Variants in KIR3DL1 observed in about 807,000 individuals in gnomAD.
KIR3DL1 encodes the protein killer cell immunoglobulin like receptor, three Ig domains and long cytoplasmic tail 1.
Under a neutral mutation model 40.3 loss-of-function variants are expected in KIR3DL1, and 50 were observed. That is an observed-to-expected ratio of 1.24 (90% CI 0.99 to 1.57). The LOEUF (loss-of-function observed/expected upper bound fraction) is 1.57. Ranked by LOEUF, KIR3DL1 falls within the 40% of genes most tolerant of loss-of-function variation. The pLI is 0.00. For missense variants in KIR3DL1, 661 were observed against 559.9 expected, an observed-to-expected ratio of 1.18 and a Z score of -1.82; for synonymous variants, 257 against 207.2, an observed-to-expected ratio of 1.24 and a Z score of -2.07.
intron 3 of KIR3DL1, among the ~76,000 whole-genome samples, chr19:54,818,815 C>T (rs62124093): frequency 0.2 from 28,834 of 146,394 alleles, 3,279 homozygotes; most frequent in South Asian, 0.32. Context: ...ATTTATGTTA[C>T]AGGGCAGGGG....
chr19:54,816,792 GATGGGCCTGGAGGGGAGAT>G (rs2061359899), intron 1 of KIR3DL1, among the ~76,000 whole-genome samples: 2 of 91,412 alleles, frequency 2.2e-5, no homozygotes, highest in African/African-American at 1.1e-4. Flanking sequence ...GGGGTGGAGA[GATGGGCCTGGAGGGGAGAT>G]ATGGGCCTGG....
chr19:54,821,435 TG>T (rs2061627708), intron 4 of KIR3DL1, 129 bp from the exon 5 acceptor site: 2 of 1,199,576 alleles, frequency 1.7e-6, no homozygotes, highest in East Asian at 4.9e-5. Context: ...TGAAGAGAGA[TG>T]GGGTGGAGGG....
chr19:54,829,694 C>T (rs1358722456), intron 7 of KIR3DL1, among the ~76,000 whole-genome samples: 1 of 141,552 alleles, frequency 7.1e-6, no homozygotes, highest in African/African-American at 2.5e-5. Context: ...CACTCACATC[C>T]AGGAGAAGGT....
Position 54,828,975 on chromosome 19 carries a change from T to A in KIR3DL1, c.1001-386T>A, listed in dbSNP as rs1229812284. 5.8e-3 allele frequency among the ~76,000 whole-genome samples: 725 copies of A among 124,392 alleles called. 2 individuals are homozygous for A. Among genetic ancestry groups the A allele is most frequent in the South Asian group, 0.013 (40 of 3,118 alleles). 81.6% of individuals were successfully genotyped at this position (124,392 alleles called of 152,430 possible). A position where few individuals can be genotyped will look rare whatever the true frequency, so the allele number is the denominator to read the frequency against. Reference sequence around the variant, plus strand: ...GGAGCAATGGAGCTTCCAAGCTCTTTTTAACAACCAGCTCTCCAGGAACTA... The same window carrying A: ...GGAGCAATGGAGCTTCCAAGCTCTTATTAACAACCAGCTCTCCAGGAACTA... On this transcript the variant is annotated intron_variant, in intron 6 of 8. Transcript: ENST00000391728.
chr19:54,824,924 A>C, intron 5 of KIR3DL1, 104 bp from the exon 6 acceptor site: 1 of 985,216 alleles, frequency 1.0e-6, no homozygotes, highest in Non-Finnish European at 1.6e-6. Flanking sequence ...CCAGGGTCCA[A>C]CATTAGATAA....
At position 54,829,823 on chromosome 19, in the gene KIR3DL1, G is replaced by A. The variant is rs1387399930; in HGVS notation, c.1106-105G>A. 18 of 1,115,778 alleles carry A rather than the reference G, an allele frequency of 1.6e-5. 1 individual carries two copies. The highest frequency in any genetic ancestry group is 3.1e-5 in the African/African-American group (2 of 64,856). The allele number at this position is 1,115,778 out of a possible 1,614,324, so 69.1% of individuals were successfully genotyped here. ...TCTGAGTCTGCTGTTGGCAACTGAG[G>A]GACCTCAGGCACCTATGGCCTCCCC... On this transcript the variant is annotated intron_variant, in intron 7 of 8. Transcript: ENST00000391728.
At chr19:54,822,659 T>A (rs1220775999) in intron 5 of KIR3DL1, among the ~76,000 whole-genome samples, 1 of 150,582 alleles carries the variant, frequency 6.6e-6, no homozygotes, top group Non-Finnish European at 1.5e-5. Flanking sequence ...ATTCTTTTTT[T>A]TGTTACCCTC....
chr19:54,819,640 C>G, intron 3 of KIR3DL1, 73 bp from the exon 4 acceptor site: 3 of 1,517,256 alleles, frequency 2.0e-6, no homozygotes, highest in East Asian at 4.7e-5. Flanking sequence ...GAGGGGAACC[C>G]TCACTCATTC....
Position 54,820,489 on chromosome 19 carries a change from G to A in KIR3DL1, c.655+477G>A, listed in dbSNP as rs1300919808. On this transcript the variant is annotated intron_variant, in intron 4 of 8. Transcript: ENST00000391728. ...TGACACCTCTGCCTTCCATGCAATG[G>A]AGAGTAATCATCCCAGGATATCATG... 2.6e-5 allele frequency among the ~76,000 whole-genome samples: 4 copies of A among 151,512 alleles called. No individual in the cohort carries two copies. The East Asian group carries it at 5.8e-4, about 22-fold the overall frequency.
chr19:54,822,672 C>T (rs1399031735), intron 5 of KIR3DL1, among the ~76,000 whole-genome samples: 1 of 151,022 alleles, frequency 6.6e-6, no homozygotes, highest in African/African-American at 2.5e-5. Flanking sequence ...TTACCCTCCA[C>T]CCTTCCCTTC....
Position 54,819,771 on chromosome 19 carries a change from G to C in KIR3DL1, c.414G>C (p.Glu138Asp), listed in dbSNP as rs201471071. Reference sequence around the variant, plus strand: ...CAGGTCCCCTGGTGAAATCAGGAGAGAGAGTCATCCTGCAATGTTGGTCAG... The same window carrying C: ...CAGGTCCCCTGGTGAAATCAGGAGACAGAGTCATCCTGCAATGTTGGTCAG... The change falls in exon 4 of 9, where the codon GAG becomes GAC. Residue 138 changes from glutamate to aspartate, a missense_variant. Glu to Asp is a conservative substitution (Grantham distance 45). This residue lies in a region of KIR3DL1 where 548 missense variants were observed against 413.3 expected (regional missense o/e 1.33). Coordinates refer to ENST00000391728, the Ensembl canonical transcript of KIR3DL1. 551 of 1,611,038 alleles carry C rather than the reference G, an allele frequency of 3.4e-4. 4 individuals are homozygous for C. Among genetic ancestry groups the C allele is most frequent in the Non-Finnish European group, 4.4e-4 (522 of 1,178,808 alleles).
chr19:54,828,531 G>T (rs1439828066), intron 6 of KIR3DL1, among the ~76,000 whole-genome samples: 1 of 151,046 alleles, frequency 6.6e-6, no homozygotes, highest in Non-Finnish European at 1.5e-5. Context: ...GCTCAGAAAA[G>T]CTGCTCGAGA....
At chr19:54,820,059 G>A in intron 4 of KIR3DL1, 47 bp downstream of exon 4, 1 of 1,579,688 alleles carries the variant, frequency 6.3e-7, no homozygotes, top group Non-Finnish European at 8.7e-7. Context: ...GACACAGAGT[G>A]AATGATCCAG....
chr19:54,824,491 A>G (rs2061785327), intron 5 of KIR3DL1, among the ~76,000 whole-genome samples: 1 of 151,364 alleles, frequency 6.6e-6, no homozygotes, highest in South Asian at 2.1e-4. Context: ...AGGCTGGCCA[A>G]CAGAGTGAAA....
chr19:54,829,749 A>C lies in KIR3DL1; in HGVS notation c.1106-179A>C, dbSNP rs557583389. ...GGGAGACAGAATCAATGGGATGGGA[A>C]CTCAGAGCTATTCATGGGATGGGTC... On this transcript the variant is annotated intron_variant, in intron 7 of 8. Coordinates refer to ENST00000391728, the Ensembl canonical transcript of KIR3DL1. Among the ~76,000 whole-genome samples the C allele has an allele frequency of 1.6e-4, 22 of 141,112 alleles. 1 individual carries two copies. The highest frequency in any genetic ancestry group is 2.1e-4 in the East Asian group (1 of 4,728). 92.6% of individuals were successfully genotyped at this position (141,112 alleles called of 152,430 possible).
At chr19:54,818,708 G>A (rs1255632081) in intron 3 of KIR3DL1, 109 bp downstream of exon 3, 6 of 1,423,714 alleles carry the variant, frequency 4.2e-6, no homozygotes, top group East Asian at 2.3e-5. Context: ...CTGTATTTGG[G>A]GTCAAGGGAG....
Position 54,829,561 on chromosome 19 carries a change from C to T in KIR3DL1, c.1105+96C>T, listed in dbSNP as rs2148209863. On this transcript the variant is annotated intron_variant, in intron 7 of 8. Coordinates refer to ENST00000391728, the Ensembl canonical transcript of KIR3DL1. ...TGTGTTCCTCACTGGCAGGATGGTC[C>T]CTGGCCCAAGACAGGAGCCACAGAG... 24 of 1,105,998 alleles carry T rather than the reference C, an allele frequency of 2.2e-5. 2 individuals carry two copies. Among genetic ancestry groups the T allele is most frequent in the Non-Finnish European group, 3.1e-5 (24 of 771,852 alleles). The allele number at this position is 1,105,998 out of a possible 1,614,324, so 68.5% of individuals were successfully genotyped here. A position where few individuals can be genotyped will look rare whatever the true frequency, so the allele number is the denominator to read the frequency against.
chr19:54,818,595 C>T, exon 3 of KIR3DL1: 1 of 1,609,456 alleles, frequency 6.2e-7, no homozygotes, highest in Non-Finnish European at 8.5e-7. Flanking sequence ...TGATCATGGT[C>T]ACAGGTCAGA....
rs376086075 is a variant in KIR3DL1, at chr19:54,818,569, C to T, written c.325C>T (p.Pro109Ser). ...ACACTCCCCCACTGGGTGGTCGGCACCCAGCAACCCCGTGGTGATCATGGT... is the reference window on the plus strand; with the variant it reads ...ACACTCCCCCACTGGGTGGTCGGCATCCAGCAACCCCGTGGTGATCATGGT... The change falls in exon 3 of 9, where the codon CCC becomes TCC. Residue 109 changes from proline (P) to serine (S), a missense_variant. By Grantham distance (74) the Pro-to-Ser change is moderately conservative. Around this residue, in one of 3 missense-constraint regions of KIR3DL1, gnomAD observed 548 missense variants for 413.3 expected, o/e 1.33. Transcript: ENST00000391728. 4 of 1,611,074 alleles carry T rather than the reference C, an allele frequency of 2.5e-6. No homozygotes were observed. The African/African-American group carries it at 4.1e-5, about 16-fold the overall frequency.
Sources: gnomAD v4.1 joint callset for allele counts (sites outside exome capture counted in the v4.1 genomes callset) on GRCh38, gnomAD v4.1.1 for gene constraint, gnomAD v4.1.1 regional missense constraint, MANE v1.5 for transcripts, NCBI Gene and HGNC (gene_info 2026-07-23, HGNC 2026-07-21) for gene names.